Variants in LOXHD1 observed in about 807,000 individuals in gnomAD.
LOXHD1 encodes lipoxygenase homology domain-containing protein 1.
A neutral mutation model predicts 248.2 loss-of-function variants in LOXHD1; 205 were observed. That is an observed-to-expected ratio of 0.83 (90% CI 0.74 to 0.93). The LOEUF is 0.93. Among genes scored for constraint, LOXHD1 ranks in the 40% least tolerant of loss-of-function variants. The pLI is 0.00. For missense variants in LOXHD1, 2,930 were observed against 2,971.6 expected (o/e 0.99, Z 0.33); for synonymous variants, 1,113 against 1,162.8 (o/e 0.96, Z 0.87).
chr18:46,642,109 C>T, intron 2 of LOXHD1, 73 bp from the exon 3 acceptor site: 3 of 1,320,784 alleles, frequency 2.3e-6, no homozygotes, highest in South Asian at 2.5e-5. Context: ...CAAGGGCTGG[C>T]ATTCCGCTTC....
rs749131194 is a variant in LOXHD1 at position 46,610,864 on chromosome 18, A to T, written c.671T>A (p.Ile224Asn). Reference protein sequence around the residue: ...NFEKGAEDRFILDAPDLGQLM... With the variant: ...NFEKGAEDRFNLDAPDLGQLM... ...CTGCCCCAAATCCGGGGCATCCAGG[A>T]TGAACCTGTCTTCAGCTCCCTTTTC... Residue 224 changes from isoleucine to asparagine, a missense_variant, in exon 6 of 41, where the codon ATC becomes AAC. Transcript: ENST00000642948. The T allele has an allele frequency of 9.7e-6, 15 of 1,551,840 alleles. No individual in the cohort carries two copies. Among genetic ancestry groups the T allele is most frequent in the Non-Finnish European group, 1.3e-5 (15 of 1,147,026 alleles).
intron 25 of LOXHD1, among the ~76,000 whole-genome samples, chr18:46,540,682 TG>T (rs1448096351): frequency 8.8e-6 from 1 of 113,228 alleles, no homozygotes; most frequent in Admixed American, 1.1e-4. Flanking sequence ...TTTTTTGGTA[TG>T]GCATGTCCTA....
chr18:46,595,645 T>C (rs114668365), intron 8 of LOXHD1, among the ~76,000 whole-genome samples: 20 of 152,346 alleles, frequency 1.3e-4, no homozygotes, highest in African/African-American at 4.8e-4. Flanking sequence ...TGAGGTTCAC[T>C]GGGATCCATT....
intron 14 of LOXHD1, among the ~76,000 whole-genome samples, chr18:46,576,680 G>C (rs1333278225): frequency 6.6e-6 from 1 of 152,148 alleles, no homozygotes; most frequent in Non-Finnish European, 1.5e-5. Context: ...GCTATATGTA[G>C]AAGACTGTAG....
intron 6 of LOXHD1, among the ~76,000 whole-genome samples, chr18:46,604,971 C>T (rs767354334): frequency 6.6e-6 from 1 of 152,150 alleles, no homozygotes; most frequent in South Asian, 2.1e-4. Context: ...TATCTCATAA[C>T]ATCATGTTAT....
chr18:46,605,559 A>G (rs1476372482), intron 6 of LOXHD1, among the ~76,000 whole-genome samples: 1 of 152,188 alleles, frequency 6.6e-6, no homozygotes, highest in Non-Finnish European at 1.5e-5. Flanking sequence ...GATTTTTAGG[A>G]ATGCATCTCT....
At chr18:46,572,896 G>A (rs1236480567) in intron 14 of LOXHD1, among the ~76,000 whole-genome samples, 1 of 151,834 alleles carries the variant, frequency 6.6e-6, no homozygotes, top group South Asian at 2.1e-4. Flanking sequence ...GGTGGTGGGC[G>A]CCTGTAGTCC....
At chr18:46,574,887 A>T (rs2037825682) in intron 14 of LOXHD1, among the ~76,000 whole-genome samples, 1 of 152,168 alleles carries the variant, frequency 6.6e-6, no homozygotes, top group Non-Finnish European at 1.5e-5. Flanking sequence ...CCCCAGCACC[A>T]TGCATGTGAC....
In LOXHD1 at chr18:46,516,812, CCAT is replaced by C. The variant is rs574849683; in HGVS notation, c.5399+1314_5399+1316del. 2.5e-3 allele frequency among the ~76,000 whole-genome samples: 381 copies of C among 151,852 alleles called. 3 individuals are homozygous for C. The highest frequency in any genetic ancestry group is 3.6e-3 in the Non-Finnish European group (242 of 67,908). ...ATCACCTTCACCCCTATTACCACCA[CCAT>C]CATCATCATCATCCCTACCATCATC... On this transcript the variant is annotated intron_variant, in intron 34 of 40. Transcript: ENST00000642948.
chr18:46,579,238 C>A (rs938277500), intron 13 of LOXHD1, among the ~76,000 whole-genome samples: 6 of 152,204 alleles, frequency 3.9e-5, no homozygotes, highest in Admixed American at 6.5e-5. Flanking sequence ...TCCGCCCACC[C>A]CTGAGGTAAG....
chr18:46,640,895 G>A (rs916881302), intron 3 of LOXHD1, among the ~76,000 whole-genome samples: 10 of 152,076 alleles, frequency 6.6e-5, no homozygotes, highest in African/African-American at 2.2e-4. Flanking sequence ...CCCCTGTGAG[G>A]CTTTATCCTT....
chr18:46,600,622 A>G (rs1181970112), intron 8 of LOXHD1, among the ~76,000 whole-genome samples: 6 of 138,316 alleles, frequency 4.3e-5, no homozygotes, highest in African/African-American at 1.6e-4. Context: ...GAAGGAAGGA[A>G]GGAAGGGAGG....
In LOXHD1 at chr18:46,534,408, T is replaced by C; in HGVS notation, c.4139A>G (p.His1380Arg). The change falls in exon 27 of 41, where the codon CAT becomes CGT. Residue 1380 changes from histidine to arginine, a missense_variant. Transcript: ENST00000642948. ...CCCAGGATTCATGCCCGTGTTATTA[T>C]GGCCAATCCGAATTTTTTCAATGAT... Reference protein sequence around the residue: ...GEIIEKIRIGHNNTGMNPGWH... With the variant: ...GEIIEKIRIGRNNTGMNPGWH... The C allele has an allele frequency of 1.9e-6, 3 of 1,551,776 alleles. No individual in the cohort carries two copies. Among genetic ancestry groups the C allele is most frequent in the Non-Finnish European group, 2.6e-6 (3 of 1,147,002 alleles).
chr18:46,656,969 T>C lies in LOXHD1; in HGVS notation c.65A>G (p.Glu22Gly). ...DIDFLALYEA[E>G]LLNYASEDDE... is the part of the protein sequence containing the mutation. ...GTCCTCCGAGGCGTAGTTCAGCAGCTCCGCTTCGTACAGGGCCAGGAAGTC... is the reference window on the plus strand; with the variant it reads ...GTCCTCCGAGGCGTAGTTCAGCAGCCCCGCTTCGTACAGGGCCAGGAAGTC... Residue 22 changes from glutamate to glycine, a missense_variant, in exon 1 of 41, where the codon GAG becomes GGG. Physicochemically the swap from Glu to Gly is moderately conservative, Grantham distance 98. Transcript: ENST00000642948. 6.4e-7 allele frequency: 1 copy of C among 1,551,630 alleles called. No homozygotes were observed. Among genetic ancestry groups the C allele is most frequent in the Non-Finnish European group, 8.7e-7 (1 of 1,146,950 alleles).
intron 34 of LOXHD1, among the ~76,000 whole-genome samples, chr18:46,517,582 G>A (rs553448830): frequency 1.3e-5 from 2 of 152,280 alleles, no homozygotes; most frequent in East Asian, 3.9e-4. Context: ...GTTAAGCTGT[G>A]TAAGTACAAG....
At chr18:46,480,665 G>A (rs926370336) in intron 40 of LOXHD1, among the ~76,000 whole-genome samples, 1 of 152,136 alleles carries the variant, frequency 6.6e-6, no homozygotes, top group Non-Finnish European at 1.5e-5. Flanking sequence ...TCCAGCCAGA[G>A]TAAAGGCAAA....
chr18:46,639,830 A>G (rs1212805505), intron 3 of LOXHD1, 30 bp from the exon 4 acceptor site: 4 of 1,551,308 alleles, frequency 2.6e-6, no homozygotes, highest in Non-Finnish European at 3.5e-6. Context: ...CCACACCATC[A>G]CTGGCAGAAC....
Position 46,594,330 on chromosome 18 carries a change from C to T in LOXHD1, c.1270+1G>A. ...CCAGGTTCTGGGTCTCTCTCACTTACTTTTCAGCCGCTTCTTCCTGAGAGA... is the reference window on the plus strand; with the variant it reads ...CCAGGTTCTGGGTCTCTCTCACTTATTTTTCAGCCGCTTCTTCCTGAGAGA... On this transcript the variant is annotated splice_donor_variant, in intron 9 of 40. Transcript: ENST00000642948. LOFTEE classifies it high-confidence loss of function. 6.4e-7 allele frequency: 1 copy of T among 1,551,610 alleles called. No individual in the cohort carries two copies. The highest frequency in any genetic ancestry group is 8.7e-7 in the Non-Finnish European group (1 of 1,146,988).
At chr18:46,561,745 GC>G (rs1214511047) in intron 18 of LOXHD1, among the ~76,000 whole-genome samples, 1 of 152,210 alleles carries the variant, frequency 6.6e-6, no homozygotes, top group Non-Finnish European at 1.5e-5. Flanking sequence ...TCATGGTAGA[GC>G]CCAGGGCCCC....
Sources: allele counts gnomAD v4.1 joint callset (sites outside exome capture counted in the v4.1 genomes callset), GRCh38; gene constraint gnomAD v4.1.1; transcripts MANE v1.5; gene names NCBI Gene and HGNC (gene_info 2026-07-23, HGNC 2026-07-21).